The following RGS8 variants were observed in gnomAD, a reference collection of about 807,000 sequenced individuals.
RGS8 encodes regulator of G protein signaling 8.
A neutral mutation model predicts 21.7 loss-of-function variants in RGS8; 8 were observed. The ratio of observed to expected loss-of-function variants is 0.37; its 90% confidence interval spans 0.22 to 0.66. The LOEUF is 0.66. Among genes scored for constraint, RGS8 ranks in the 30% least tolerant of loss-of-function variants. The pLI is 0.59. For missense variants in RGS8, 157 were observed against 217.9 expected (o/e 0.72, Z 1.76); for synonymous variants, 80 against 83.6 (o/e 0.96, Z 0.24).
At chr1:182,751,981 G>A in the RGS8 span, among the ~76,000 whole-genome samples, 8 of 152,206 alleles carry the variant, frequency 5.3e-5, no homozygotes, top group Non-Finnish European at 1.0e-4. Flanking sequence ...CAGGCGCCGC[G>A]GTTCCTATTG....
chr1:182,694,801 C>T, the RGS8 span, among the ~76,000 whole-genome samples: 1 of 148,406 alleles, frequency 6.7e-6, no homozygotes, highest in South Asian at 2.1e-4. Context: ...GAGCAAGACT[C>T]CTACTCAAAA....
chr1:182,751,512 G>A, the RGS8 span, among the ~76,000 whole-genome samples: 5 of 152,194 alleles, frequency 3.3e-5, no homozygotes, highest in Admixed American at 1.3e-4. Flanking sequence ...CAGGAGGAGT[G>A]TGTGATTAAA....
At position 182,647,782 on chromosome 1, in the gene RGS8, T is replaced by C. The variant is rs117374988; in HGVS notation, c.360+355A>G. ...TAGCTAGTAAGTGGTGGAGCTAAAA[T>C]TGAAACAAGATTTCAAAGCAGATCC... On this transcript the variant is annotated intron_variant, in intron 6 of 6. Coordinates refer to ENST00000483095, the Ensembl canonical transcript of RGS8. Among the ~76,000 whole-genome samples the C allele has an allele frequency of 1.7e-3, 262 of 152,310 alleles. 5 individuals are homozygous for C. The East Asian group carries it at 0.044, about 26-fold the overall frequency.
chr1:182,679,863 C>T (rs1219448418), intron 1 of RGS8, among the ~76,000 whole-genome samples: 1 of 152,144 alleles, frequency 6.6e-6, no homozygotes, highest in Non-Finnish European at 1.5e-5. Context: ...CCTTGGCTTC[C>T]TCTGGAATTG....
the RGS8 span, among the ~76,000 whole-genome samples, chr1:182,730,013 C>T: frequency 6.6e-6 from 1 of 152,166 alleles, no homozygotes; most frequent in African/African-American, 2.4e-5. Context: ...GTTTCCCTAA[C>T]TTCAGGCATA....
the RGS8 span, among the ~76,000 whole-genome samples, chr1:182,746,156 C>T: frequency 6.6e-6 from 1 of 152,184 alleles, no homozygotes; most frequent in Non-Finnish European, 1.5e-5. Context: ...GGTTTTCAGA[C>T]CCCCTCTCCA....
At chr1:182,647,441 C>T (rs573244523) in intron 6 of RGS8, among the ~76,000 whole-genome samples, 3 of 152,346 alleles carry the variant, frequency 2.0e-5, no homozygotes, top group Non-Finnish European at 2.9e-5. Context: ...AGACTTCTCG[C>T]ATCCCAAGTC....
chr1:182,655,229 C>T (rs758136308), intron 5 of RGS8, among the ~76,000 whole-genome samples: 32 of 152,206 alleles, frequency 2.1e-4, no homozygotes, highest in Non-Finnish European at 3.5e-4. Flanking sequence ...GCCTCTAGCT[C>T]TGTGTGACAG....
intron 2 of RGS8, among the ~76,000 whole-genome samples, chr1:182,671,161 GTCTC>G (rs781497805): frequency 1.3e-5 from 2 of 152,144 alleles, no homozygotes; most frequent in Non-Finnish European, 1.5e-5. Flanking sequence ...TCAGTTGCCT[GTCTC>G]TCTCCTTCAA....
the RGS8 span, among the ~76,000 whole-genome samples, chr1:182,708,821 C>T: frequency 6.6e-6 from 1 of 152,228 alleles, no homozygotes; most frequent in Non-Finnish European, 1.5e-5. Flanking sequence ...TTGAACACAG[C>T]CATGAGGTGA....
chr1:182,720,808 C>T, the RGS8 span, among the ~76,000 whole-genome samples: 14 of 150,368 alleles, frequency 9.3e-5, no homozygotes, highest in South Asian at 2.1e-4. Context: ...TGTGTGATTG[C>T]GTGCATGTAT....
the RGS8 span, among the ~76,000 whole-genome samples, chr1:182,719,180 CGCA>C: frequency 6.6e-6 from 1 of 152,198 alleles, no homozygotes; most frequent in South Asian, 2.1e-4. Context: ...CCAGGAGTTG[CGCA>C]GCACAGAGTA....
rs1026564372 is a variant in RGS8, at chr1:182,683,630, A to C, written n.221+726T>G. Among the ~76,000 whole-genome samples the C allele has an allele frequency of 3.7e-5, 5 of 135,902 alleles. No homozygotes were observed. The South Asian group carries it at 1.1e-3, about 30-fold the overall frequency. 89.2% of individuals were successfully genotyped at this position (135,902 alleles called of 152,430 possible). A position where few individuals can be genotyped will look rare whatever the true frequency, so the allele number is the denominator to read the frequency against. The stretch of plus-strand genomic sequence containing the variant: ...GAGCAACCCTCTTCCCAGTGCTCAA[A>C]AAAAAAAAAAAAAAAAAAAAGTCAC... On this transcript the variant is annotated intron_variant and non_coding_transcript_variant, in intron 1 of 4. Coordinates refer to the RGS8 transcript ENST00000515211.
At chr1:182,716,131 T>TG in the RGS8 span, among the ~76,000 whole-genome samples, 26 of 151,692 alleles carry the variant, frequency 1.7e-4, no homozygotes, top group South Asian at 1.0e-3. Flanking sequence ...TTTTGGTTTT[T>TG]TTTTTTTTCC....
At chr1:182,723,288 C>G in the RGS8 span, among the ~76,000 whole-genome samples, 2 of 152,152 alleles carry the variant, frequency 1.3e-5, no homozygotes, top group Non-Finnish European at 2.9e-5. Context: ...ACAGTCCAGC[C>G]ATCAGTGAGG....
chr1:182,741,448 G>C, the RGS8 span, among the ~76,000 whole-genome samples: 13 of 142,102 alleles, frequency 9.1e-5, 2 homozygotes, highest in African/African-American at 3.4e-4. Context: ...GCGGCTGGCC[G>C]GGCAGAGGCG....
chr1:182,717,196 T>C, the RGS8 span, among the ~76,000 whole-genome samples: 5 of 152,220 alleles, frequency 3.3e-5, no homozygotes, highest in Non-Finnish European at 7.3e-5. Flanking sequence ...AATGACCTGC[T>C]GCATTATAAT....
chr1:182,697,497 C>A, the RGS8 span, among the ~76,000 whole-genome samples: 1 of 152,134 alleles, frequency 6.6e-6, no homozygotes, highest in South Asian at 2.1e-4. Flanking sequence ...TAAAAGAACC[C>A]CTTCGGCTAT....
At chr1:182,648,362 G>A (rs1412116122) in intron 5 of RGS8, 59 bp from the exon 7 acceptor site, 12 of 1,547,010 alleles carry the variant, frequency 7.8e-6, no homozygotes, top group Non-Finnish European at 1.1e-5. Flanking sequence ...TTTAAGAACT[G>A]TAGAAGAAAG....
Sources: gnomAD v4.1 joint callset for allele counts (sites outside exome capture counted in the v4.1 genomes callset) on GRCh38, gnomAD v4.1.1 for gene constraint, MANE v1.5 for transcripts, NCBI Gene and HGNC (gene_info 2026-07-23, HGNC 2026-07-21) for gene names.